Variants in TMTC1 observed in about 807,000 individuals in gnomAD.
TMTC1 encodes the protein protein O-mannosyl-transferase TMTC1.
A neutral mutation model predicts 104.8 loss-of-function variants in TMTC1; 73 were observed. That is an observed-to-expected ratio of 0.70 (90% CI 0.58 to 0.85). The LOEUF (loss-of-function observed/expected upper bound fraction) is 0.85, where lower values mean the gene tolerates loss of function less well. Among genes scored for constraint, TMTC1 ranks in the 40% least tolerant of loss-of-function variants. The pLI is 0.00. For missense variants in TMTC1, 1,035 were observed against 1,096.1 expected (o/e 0.94, Z 0.79); for synonymous variants, 434 against 428.7 (o/e 1.01, Z -0.15).
At chr12:29,733,933 A>C (rs2136923210) in intron 5 of TMTC1, among the ~76,000 whole-genome samples, 1 of 152,304 alleles carries the variant, frequency 6.6e-6, no homozygotes, top group East Asian at 1.9e-4. Flanking sequence ...CAGTTTCCAC[A>C]ACATATTAAT....
At chr12:29,669,282 G>A (rs146142603) in intron 5 of TMTC1, among the ~76,000 whole-genome samples, 44 of 152,358 alleles carry the variant, frequency 2.9e-4, no homozygotes, top group African/African-American at 1.0e-3. Flanking sequence ...GTGGTGAACA[G>A]AGAGACTAAA....
At chr12:29,731,985 C>T (rs1942556233) in intron 5 of TMTC1, among the ~76,000 whole-genome samples, 1 of 152,118 alleles carries the variant, frequency 6.6e-6, no homozygotes, top group African/African-American at 2.4e-5. Flanking sequence ...TTCTTTTGAT[C>T]AGAATATTCT....
intron 5 of TMTC1, among the ~76,000 whole-genome samples, chr12:29,729,094 T>A (rs1333401019): frequency 1.3e-5 from 2 of 150,810 alleles, no homozygotes; most frequent in Non-Finnish European, 2.9e-5. Context: ...CAAGTTCAAA[T>A]CTCGACCCCT....
At chr12:29,748,432 C>T (rs1211292083) in intron 5 of TMTC1, among the ~76,000 whole-genome samples, 1 of 152,218 alleles carries the variant, frequency 6.6e-6, no homozygotes, top group Non-Finnish European at 1.5e-5. Flanking sequence ...AGCACCCTGC[C>T]TCTTCCCCAA....
At chr12:29,599,962 A>C (rs1022208562) in intron 7 of TMTC1, among the ~76,000 whole-genome samples, 7 of 134,036 alleles carry the variant, frequency 5.2e-5, no homozygotes, top group African/African-American at 1.7e-4. Context: ...ATATGTGTAT[A>C]TATATATGTG....
At chr12:29,651,469 A>G (rs1356181554) in intron 5 of TMTC1, among the ~76,000 whole-genome samples, 1 of 152,160 alleles carries the variant, frequency 6.6e-6, no homozygotes, top group Non-Finnish European at 1.5e-5. Flanking sequence ...CGCTTTTGTA[A>G]TATGTATTTG....
At chr12:29,684,315 A>T (rs1163476674) in intron 5 of TMTC1, among the ~76,000 whole-genome samples, 1 of 152,222 alleles carries the variant, frequency 6.6e-6, no homozygotes, top group Non-Finnish European at 1.5e-5. Flanking sequence ...TTGAACCTCA[A>T]ATGTCTTTGA....
chr12:29,661,568 CTTTTTGTATTTTTAGTA>C lies in TMTC1; in HGVS notation c.939-28249_939-28233del, dbSNP rs749890495. 1.9e-3 allele frequency among the ~76,000 whole-genome samples: 291 copies of C among 150,496 alleles called. 5 individuals carry two copies. The South Asian group carries it at 0.043, about 22-fold the overall frequency. ...TCCCGAGTAGTTGGGACTACAGGTACTTTTTGTATTTTTAGTATTTTTGTATTTTTAGTATTTTTGTA... is the reference window on the plus strand; with the variant it reads ...TCCCGAGTAGTTGGGACTACAGGTACTTTTTGTATTTTTAGTATTTTTGTA... On this transcript the variant is annotated intron_variant, in intron 5 of 17. Transcript: ENST00000539277.
Position 29,538,253 on chromosome 12 carries a change from C to A in TMTC1, c.1677-1936G>T, listed in dbSNP as rs34818263. ...CAAGACTCCATGACTTCCATACACA[C>A]ACTACGTTTACATACACTCAAGTTT... On this transcript the variant is annotated intron_variant, in intron 10 of 17. Coordinates refer to ENST00000539277, the MANE Select transcript of TMTC1 (RefSeq NM_001193451.2). 9.6e-3 allele frequency among the ~76,000 whole-genome samples: 1,460 copies of A among 152,328 alleles called. 17 individuals are homozygous for A. Among genetic ancestry groups the A allele is most frequent in the South Asian group, 0.038 (183 of 4,830 alleles).
intron 10 of TMTC1, among the ~76,000 whole-genome samples, chr12:29,552,319 C>T (rs299475): frequency 0.68 from 103,735 of 151,982 alleles, 36,293 homozygotes; most frequent in Middle Eastern, 0.83. Flanking sequence ...TTCAATTTCT[C>T]ACATTAAATT....
chr12:29,630,457 AT>A (rs750454749), intron 6 of TMTC1, among the ~76,000 whole-genome samples: 6 of 152,122 alleles, frequency 3.9e-5, no homozygotes, highest in Non-Finnish European at 8.8e-5. Context: ...ATTACCTCTC[AT>A]GGGGTCCCTC....
At position 29,760,471 on chromosome 12, in the gene TMTC1, T is replaced by C. The variant is rs116018965; in HGVS notation, c.481-1694A>G. 6.1e-3 allele frequency among the ~76,000 whole-genome samples: 935 copies of C among 152,274 alleles called. 9 individuals carry two copies. The highest frequency in any genetic ancestry group is 0.021 in the African/African-American group (861 of 41,554). On this transcript the variant is annotated intron_variant, in intron 2 of 17. Transcript: ENST00000539277. Reference sequence around the variant, plus strand: ...TGAAAGTTTTTGAGGTGCAAAGTATTAGTAGGACTTCAAAGTGTCTATTTA... The same window carrying C: ...TGAAAGTTTTTGAGGTGCAAAGTATCAGTAGGACTTCAAAGTGTCTATTTA...
At chr12:29,643,623 A>AATATATATGT in intron 5 of TMTC1, among the ~76,000 whole-genome samples, 1 of 27,620 alleles carries the variant, frequency 3.6e-5, no homozygotes, top group African/African-American at 1.8e-4. Context: ...ATATATATCT[A>AATATATATGT]TATATTATAT....
intron 5 of TMTC1, among the ~76,000 whole-genome samples, chr12:29,727,152 T>C (rs1942415666): frequency 6.6e-6 from 1 of 152,230 alleles, no homozygotes. Flanking sequence ...TGTGATTTAT[T>C]GAGTCTGTAC....
At chr12:29,601,789 T>C (rs1946571512) in intron 7 of TMTC1, among the ~76,000 whole-genome samples, 1 of 152,112 alleles carries the variant, frequency 6.6e-6, no homozygotes, top group Admixed American at 6.6e-5. Context: ...TAGTATTTAT[T>C]GACCATATAT....
At chr12:29,687,376 T>A (rs2162031) in intron 5 of TMTC1, among the ~76,000 whole-genome samples, 21,033 of 152,098 alleles carry the variant, frequency 0.14, 1,737 homozygotes, top group East Asian at 0.34. Flanking sequence ...AGCCACAAAC[T>A]AAGCAACATT....
chr12:29,643,403 C>A (rs971516463), intron 5 of TMTC1, among the ~76,000 whole-genome samples: 1 of 72,200 alleles, frequency 1.4e-5, no homozygotes, highest in East Asian at 3.4e-4. Context: ...ACCCAAATAC[C>A]CATCAATCAA....
intron 5 of TMTC1, among the ~76,000 whole-genome samples, chr12:29,726,155 C>T (rs1942384676): frequency 6.6e-6 from 1 of 152,188 alleles, no homozygotes; most frequent in Non-Finnish European, 1.5e-5. Context: ...TCCCAGGGGA[C>T]ACCACCCTGC....
At chr12:29,684,977 A>G (rs1941046131) in intron 5 of TMTC1, among the ~76,000 whole-genome samples, 1 of 152,054 alleles carries the variant, frequency 6.6e-6, no homozygotes, top group Non-Finnish European at 1.5e-5. Context: ...TTCCCTTTCT[A>G]TTTCAAACAG....
Sources: allele counts gnomAD v4.1 joint callset (sites outside exome capture counted in the v4.1 genomes callset), GRCh38; gene constraint gnomAD v4.1.1; transcripts MANE v1.5; gene names NCBI Gene and HGNC (gene_info 2026-07-23, HGNC 2026-07-21).